IL15RA: variants seen among roughly 807,000 people sequenced by gnomAD.
IL15RA encodes interleukin 15 receptor subunit alpha.
IL15RA carries 26 observed loss-of-function variants against 24.2 expected under a neutral mutation model. That is an observed-to-expected ratio of 1.07 (90% confidence interval 0.79 to 1.49). The LOEUF (loss-of-function observed/expected upper bound fraction) is 1.49, where lower values mean the gene tolerates loss of function less well. Ranked by LOEUF, IL15RA falls within the 40% of genes most tolerant of loss-of-function variation. IL15RA has a pLI of 0.00. For synonymous variants in IL15RA, 166 were observed against 157.6 expected (o/e 1.05, Z -0.40); for missense variants, 354 against 356.4 (o/e 0.99, Z 0.05).
chr10:5,953,069 C>G lies in IL15RA; in HGVS notation c.*26G>C. ...AGCAGAGAGGCTCCTTCACTCCGGACTTAGCTGGGCTGGTTTCCCCGAGTT... is the reference window on the plus strand; with the variant it reads ...AGCAGAGAGGCTCCTTCACTCCGGAGTTAGCTGGGCTGGTTTCCCCGAGTT... On this transcript the variant is annotated 3_prime_UTR_variant, in exon 7 of 7. Coordinates refer to ENST00000379977, the MANE Select transcript of IL15RA (RefSeq NM_002189.4). This position sits in a 1 kb window ranked among gnomAD's most constrained non-coding sequence, Gnocchi z 5.3. The G allele has an allele frequency of 6.5e-7, 1 of 1,538,802 alleles. No homozygotes were observed. Among genetic ancestry groups the G allele is most frequent in the Non-Finnish European group, 9.0e-7 (1 of 1,111,116 alleles).
In IL15RA at chr10:5,960,156, G is replaced by A. The variant is rs750795739; in HGVS notation, c.583+211C>T. Among the ~76,000 whole-genome samples the A allele has an allele frequency of 2.6e-5, 4 of 152,280 alleles. No homozygotes were observed. Among genetic ancestry groups the A allele is most frequent in the Non-Finnish European group, 5.9e-5 (4 of 68,024 alleles). Reference sequence around the variant, plus strand: ...CCCTGTCACATCTTGGGGGGGTGTGGGCTTGCTTTTGCAGCTGCCCCAGCC... The same window carrying A: ...CCCTGTCACATCTTGGGGGGGTGTGAGCTTGCTTTTGCAGCTGCCCCAGCC... On this transcript the variant is annotated intron_variant, in intron 4 of 6. Transcript: ENST00000379977. This position sits in a 1 kb window ranked among gnomAD's most constrained non-coding sequence, Gnocchi z 5.1.
Position 5,966,157 on chromosome 10 carries a change from G to T in IL15RA, c.271C>A (p.Leu91Ile). The change falls in exon 2 of 7, where the codon CTC (leucine) becomes ATC (isoleucine). Residue 91 changes from leucine to isoleucine, a missense_variant. By Grantham distance (5) the Leu-to-Ile change is conservative. Transcript: ENST00000379977. This position sits in a 1 kb window ranked among gnomAD's most constrained non-coding sequence, Gnocchi z 6.4. ...TNVAHWTTPSLKCIRDPALVH... is the reference protein window; with the variant it reads ...TNVAHWTTPSIKCIRDPALVH... ...AAGGGCTACTCACTAATGCATTTGA[G>T]ACTGGGGGTTGTCCAGTGGGCGACA... 8.1e-6 allele frequency: 13 copies of T among 1,607,928 alleles called. No homozygotes were observed. The highest frequency in any genetic ancestry group is 1.1e-5 in the Non-Finnish European group (13 of 1,174,728).
rs1838324673 is a variant in IL15RA at position 5,975,682 on chromosome 10, A to T, written c.88+1723T>A. Among the ~76,000 whole-genome samples, 1 of 152,090 alleles carries T rather than the reference A, an allele frequency of 6.6e-6. No individual in the cohort carries two copies. The highest frequency in any genetic ancestry group is 6.5e-5 in the Admixed American group (1 of 15,280). On this transcript the variant is annotated intron_variant, in intron 1 of 6. Transcript: ENST00000379977. The surrounding 1 kb of genome is among the most constrained non-coding windows in gnomAD (Gnocchi z 4.8). ...CGGGCAGATCACAAGGTCAGGAGTG[A>T]TCACCATGTTGGATCAGCCTGACCA...
chr10:5,967,177 T>C lies in IL15RA; in HGVS notation c.89-838A>G, dbSNP rs4747823. On this transcript the variant is annotated intron_variant, in intron 1 of 6. Coordinates refer to ENST00000379977, the MANE Select transcript of IL15RA (RefSeq NM_002189.4). The surrounding 1 kb of genome is among the most constrained non-coding windows in gnomAD (Gnocchi z 4.4). ...ACTTGCAAGATCGGGCCTTGCCTTG[T>C]CTTGCCTTGCCTTACCTTGCCTTAC... Among the ~76,000 whole-genome samples, 138,146 of 150,032 alleles carry C rather than the reference T, an allele frequency of 0.92. 63,328 individuals are homozygous for C. The highest frequency in any genetic ancestry group is 0.97 in the Non-Finnish European group (65,810 of 67,988).
intron 5 of IL15RA, among the ~76,000 whole-genome samples, chr10:5,957,288 C>T (rs1325643652): frequency 2.6e-5 from 4 of 151,010 alleles, no homozygotes; most frequent in African/African-American, 9.8e-5. Context: ...TTCTTTCTTT[C>T]TTTTTGAGAT....
In IL15RA at chr10:5,966,325, G is replaced by A; in HGVS notation, c.103C>T (p.Pro35Ser). Residue 35 changes from proline (P) to serine (S), a missense_variant, in exon 2 of 7, where the codon CCC (proline) becomes TCC (serine). Coordinates refer to ENST00000379977, the MANE Select transcript of IL15RA (RefSeq NM_002189.4). The surrounding 1 kb of genome is among the most constrained non-coding windows in gnomAD (Gnocchi z 6.4). ...TCTGCGTGTTCCACGGACATGGGGG[G>A]AGGGCACGTGATGCCTGCGAAAGTG... ...PPATRGITCPPPMSVEHADIW... is the reference protein window; with the variant it reads ...PPATRGITCPSPMSVEHADIW... 6.2e-7 allele frequency: 1 copy of A among 1,607,670 alleles called. No homozygotes were observed. The highest frequency in any genetic ancestry group is 8.5e-7 in the Non-Finnish European group (1 of 1,174,518).
At position 5,970,849 on chromosome 10, in the gene IL15RA, C is replaced by A. The variant is rs1837487811; in HGVS notation, c.89-4510G>T. ...GATTATGCCCCGCTGCAGCCTCAAA[C>A]TCCTGGCCTTAAGCAATCCTCCTGC... On this transcript the variant is annotated intron_variant, in intron 1 of 6. Coordinates refer to ENST00000379977, the MANE Select transcript of IL15RA (RefSeq NM_002189.4). The surrounding 1 kb of genome is among the most constrained non-coding windows in gnomAD (Gnocchi z 4.1). 6.6e-6 allele frequency among the ~76,000 whole-genome samples: 1 copy of A among 151,928 alleles called. No homozygotes were observed.
downstream of IL15RA, among the ~76,000 whole-genome samples, chr10:5,951,715 C>A (rs1434261189): frequency 1.3e-5 from 2 of 152,120 alleles, no homozygotes; most frequent in Non-Finnish European, 2.9e-5. Context: ...GTAGTTCCAG[C>A]TACTTGGGAG....
chr10:5,952,748 C>T lies in IL15RA; in HGVS notation c.*347G>A, dbSNP rs576251691. 65 of 295,346 alleles carry T rather than the reference C, an allele frequency of 2.2e-4. No individual in the cohort carries two copies. The highest frequency in any genetic ancestry group is 1.1e-3 in the Middle Eastern group (1 of 950). The allele number at this position is 295,346 out of a possible 1,614,324, so 18.3% of individuals were successfully genotyped here. A position where few individuals can be genotyped will look rare whatever the true frequency, so the allele number is the denominator to read the frequency against. On this transcript the variant is annotated 3_prime_UTR_variant, in exon 7 of 7. Coordinates refer to ENST00000379977, the MANE Select transcript of IL15RA (RefSeq NM_002189.4). ...GTGAACTGAAAGTTAGGATGAGGGACGGAAGATTCGGGGCAGGGTTTTTAT... is the reference window on the plus strand; with the variant it reads ...GTGAACTGAAAGTTAGGATGAGGGATGGAAGATTCGGGGCAGGGTTTTTAT...
chr10:5,963,655 AGAG>A lies in IL15RA; in HGVS notation c.382+85_382+87del. 1.4e-6 allele frequency: 1 copy of A among 721,704 alleles called. No homozygotes were observed. The highest frequency in any genetic ancestry group is 2.3e-5 in the South Asian group (1 of 42,692). The allele number at this position is 721,704 out of a possible 1,614,324, so 44.7% of individuals were successfully genotyped here. ...GCCTAAGTCTGCAGTGGCACACCAC[AGAG>A]GTCCGTGAGTCTGCAGGATTGGTGA... On this transcript the variant is annotated intron_variant, in intron 3 of 6. Coordinates refer to ENST00000379977, the MANE Select transcript of IL15RA (RefSeq NM_002189.4). This position sits in a 1 kb window ranked among gnomAD's most constrained non-coding sequence, Gnocchi z 5.3.
Position 5,971,231 on chromosome 10 carries a change from T to A in IL15RA, c.89-4892A>T, listed in dbSNP as rs920043896. Reference sequence around the variant, plus strand: ...TTTCCTACGGCTGGTATACGATAGATATTTTCTGAATACATATAATGGAAT... The same window carrying A: ...TTTCCTACGGCTGGTATACGATAGAAATTTTCTGAATACATATAATGGAAT... On this transcript the variant is annotated intron_variant, in intron 1 of 6. Transcript: ENST00000379977. This position sits in a 1 kb window ranked among gnomAD's most constrained non-coding sequence, Gnocchi z 5.5. Among the ~76,000 whole-genome samples, 43 of 152,220 alleles carry A rather than the reference T, an allele frequency of 2.8e-4. No homozygotes were observed. The highest frequency in any genetic ancestry group is 8.4e-4 in the African/African-American group (35 of 41,460).
At chr10:5,956,588 A>C in intron 5 of IL15RA, 134 bp from the exon 6 acceptor site, 1 of 687,168 alleles carries the variant, frequency 1.5e-6, no homozygotes, top group Non-Finnish European at 2.6e-6. Context: ...GACATTTCTT[A>C]AGGTCCATGC....
At position 5,964,001 on chromosome 10, in the gene IL15RA, C is replaced by G. The variant is rs1836051497; in HGVS notation, c.284-160G>C. ...AAGCATAAGAAACAATGTTTCCCCA[C>G]CCGAATGCAAAGATAGACTGCAAAC... On this transcript the variant is annotated intron_variant, in intron 2 of 6. Transcript: ENST00000379977. The surrounding 1 kb of genome is among the most constrained non-coding windows in gnomAD (Gnocchi z 5.6). Among the ~76,000 whole-genome samples, 1 of 152,190 alleles carries G rather than the reference C, an allele frequency of 6.6e-6. No individual in the cohort carries two copies. The highest frequency in any genetic ancestry group is 2.1e-4 in the South Asian group (1 of 4,832).
rs2132658451 is a variant in IL15RA at position 5,971,946 on chromosome 10, A to G, written c.88+5459T>C. 6.6e-6 allele frequency among the ~76,000 whole-genome samples: 1 copy of G among 152,334 alleles called. No homozygotes were observed. The highest frequency in any genetic ancestry group is 1.5e-5 in the Non-Finnish European group (1 of 68,030). ...TGGAGTCTTGCAAGAGTTGAGGGCT[A>G]CAGGTTGAAGAGCAAATGAAAGGAA... On this transcript the variant is annotated intron_variant, in intron 1 of 6. Transcript: ENST00000379977. The surrounding 1 kb of genome is among the most constrained non-coding windows in gnomAD (Gnocchi z 5.5).
chr10:5,974,434 T>C (rs8177645), intron 1 of IL15RA, among the ~76,000 whole-genome samples: 8,034 of 152,274 alleles, frequency 0.053, 588 homozygotes, highest in African/African-American at 0.16. Flanking sequence ...GGAGACCCCC[T>C]ACATACCTAG....
downstream of IL15RA, chr10:5,949,002 T>A (rs1312770895): frequency 6.1e-6 from 2 of 327,040 alleles, no homozygotes; most frequent in Admixed American, 7.6e-5. This position sits in a 1 kb window ranked among gnomAD's most constrained non-coding sequence, Gnocchi z 4.4. Flanking sequence ...TAAATGCATA[T>A]ATATGTAAAA....
chr10:5,959,358 T>C lies in IL15RA; in HGVS notation c.616+396A>G, dbSNP rs956980342. The stretch of plus-strand genomic sequence containing the variant: ...GACAGCTTCTCTGTTAAGTGCACGG[T>C]GCCACGCCCTGGAGAGGAATTGGCA... On this transcript the variant is annotated intron_variant, in intron 5 of 6. Coordinates refer to ENST00000379977, the MANE Select transcript of IL15RA (RefSeq NM_002189.4). This position sits in a 1 kb window ranked among gnomAD's most constrained non-coding sequence, Gnocchi z 4.1. 2.0e-5 allele frequency among the ~76,000 whole-genome samples: 3 copies of C among 152,030 alleles called. No homozygotes were observed. Among genetic ancestry groups the C allele is most frequent in the African/African-American group, 7.2e-5 (3 of 41,402 alleles).
chr10:5,958,319 C>A lies in IL15RA; in HGVS notation c.616+1435G>T. 2.2e-6 allele frequency: 1 copy of A among 452,986 alleles called. No homozygotes were observed. Among genetic ancestry groups the A allele is most frequent in the South Asian group, 1.6e-5 (1 of 64,088 alleles). 28.1% of individuals were successfully genotyped at this position (452,986 alleles called of 1,614,324 possible). ...TTTATACAGTCTCTCTGGAAGGATG[C>A]CTGGAAATCTGGTAGCAAGTGTTGC... On this transcript the variant is annotated intron_variant, in intron 5 of 6. Coordinates refer to ENST00000379977, the MANE Select transcript of IL15RA (RefSeq NM_002189.4). The surrounding 1 kb of genome is among the most constrained non-coding windows in gnomAD (Gnocchi z 4.3).
rs1288146178 is a variant in IL15RA at position 5,958,763 on chromosome 10, T to C, written c.616+991A>G. Among the ~76,000 whole-genome samples the C allele has an allele frequency of 2.6e-5, 4 of 152,216 alleles. No homozygotes were observed. The highest frequency in any genetic ancestry group is 4.4e-5 in the Non-Finnish European group (3 of 68,042). On this transcript the variant is annotated intron_variant, in intron 5 of 6. Coordinates refer to ENST00000379977, the MANE Select transcript of IL15RA (RefSeq NM_002189.4). The surrounding 1 kb of genome is among the most constrained non-coding windows in gnomAD (Gnocchi z 4.3). Reference sequence around the variant, plus strand: ...CACTTGATGTTTTCCCAGATGACGTTTGATGCAGGTAAAAATGACACCACA... The same window carrying C: ...CACTTGATGTTTTCCCAGATGACGTCTGATGCAGGTAAAAATGACACCACA...
Sources: allele counts gnomAD v4.1 joint callset (sites outside exome capture counted in the v4.1 genomes callset), GRCh38; gene constraint gnomAD v4.1.1; non-coding constraint Gnocchi (gnomAD v3.1); transcripts MANE v1.5; gene names NCBI Gene and HGNC (gene_info 2026-07-23, HGNC 2026-07-21).